SYT14: variants seen among roughly 807,000 people sequenced by gnomAD.
SYT14 encodes the protein synaptotagmin 14, also known as synaptotagmin-14.
A neutral mutation model predicts 74.2 loss-of-function variants in SYT14; 32 were observed. The observed-to-expected ratio is 0.43, with a 90% CI of 0.33 to 0.58. SYT14 has a LOEUF of 0.58. Ranked by LOEUF, SYT14 falls within the 20% of genes least tolerant of loss-of-function variation. The pLI is 0.05. For synonymous variants in SYT14, 298 were observed against 337.7 expected (o/e 0.88, Z 1.29); for missense variants, 791 against 981.8 (o/e 0.81, Z 2.60).
At chr1:210,004,397 G>T (rs575527886) in intron 2 of SYT14, among the ~76,000 whole-genome samples, 1 of 151,972 alleles carries the variant, frequency 6.6e-6, no homozygotes, top group East Asian at 1.9e-4. Context: ...AGTAACACGG[G>T]TTTATATATC....
intron 5 of SYT14, among the ~76,000 whole-genome samples, chr1:210,076,290 C>T (rs1307543942): frequency 6.6e-6 from 1 of 152,120 alleles, no homozygotes. Context: ...GGTGTATACT[C>T]CTGAATGACT....
exon 4 of SYT14, chr1:210,016,936 T>G: frequency 8.1e-7 from 1 of 1,231,756 alleles, no homozygotes; most frequent in Non-Finnish European, 1.0e-6. Context: ...CATCAACTAA[T>G]TCTAAAGATA....
At chr1:209,961,009 G>C (rs146535609) in intron 2 of SYT14, among the ~76,000 whole-genome samples, 1 of 152,238 alleles carries the variant, frequency 6.6e-6, no homozygotes, top group African/African-American at 2.4e-5. Flanking sequence ...TGCATGTGCT[G>C]TTCTTTTCCT....
intron 2 of SYT14, among the ~76,000 whole-genome samples, chr1:209,973,618 A>G (rs1268119849): frequency 6.6e-6 from 1 of 152,168 alleles, no homozygotes; most frequent in Non-Finnish European, 1.5e-5. Context: ...TCATTGGTGG[A>G]CGTTGGGTTG....
At chr1:210,062,644 T>G (rs1450696960) in intron 5 of SYT14, among the ~76,000 whole-genome samples, 2 of 151,872 alleles carry the variant, frequency 1.3e-5, no homozygotes, top group African/African-American at 4.8e-5. Flanking sequence ...ACAAATGAAA[T>G]TTGACATTCT....
chr1:210,015,980 C>CT, exon 4 of SYT14: 1 of 1,231,802 alleles, frequency 8.1e-7, no homozygotes, highest in Non-Finnish European at 1.0e-6. Flanking sequence ...ATTATTGCAC[C>CT]TTTTAGGAAC....
chr1:209,994,981 G>A (rs2079762388), intron 2 of SYT14, among the ~76,000 whole-genome samples: 1 of 152,156 alleles, frequency 6.6e-6, no homozygotes, highest in African/African-American at 2.4e-5. Flanking sequence ...CATATAAGAA[G>A]TCTTTAAGGG....
exon 10 of SYT14, chr1:210,170,059 G>A (rs967516506): frequency 9.9e-5 from 15 of 151,490 alleles, no homozygotes; most frequent in African/African-American, 3.2e-4. Context: ...TCTAATAATG[G>A]ATATAACAGT....
intron 7 of SYT14, among the ~76,000 whole-genome samples, chr1:210,118,292 C>A (rs1027222593): frequency 3.3e-5 from 5 of 152,108 alleles, no homozygotes; most frequent in Non-Finnish European, 5.9e-5. Context: ...AGACAACATT[C>A]AAATTCTAAA....
intron 6 of SYT14, among the ~76,000 whole-genome samples, chr1:210,097,524 A>G (rs564675573): frequency 8.7e-4 from 132 of 152,280 alleles, no homozygotes; most frequent in African/African-American, 2.9e-3. Context: ...GAAAAAAAAG[A>G]AAAAACAATC....
chr1:209,961,704 C>G (rs189117887), intron 2 of SYT14, among the ~76,000 whole-genome samples: 1 of 152,116 alleles, frequency 6.6e-6, no homozygotes, highest in African/African-American at 2.4e-5. Flanking sequence ...AACTTGTAGA[C>G]TCTTACTAGA....
chr1:210,003,385 C>T (rs977386543), intron 2 of SYT14, among the ~76,000 whole-genome samples: 8 of 152,116 alleles, frequency 5.3e-5, no homozygotes, highest in African/African-American at 2.4e-5. Flanking sequence ...CTTTTAATTA[C>T]TGTTTCAGCT....
intron 3 of SYT14, 80 bp downstream of exon 3, chr1:210,013,877 A>G: frequency 6.3e-6 from 9 of 1,434,828 alleles, no homozygotes; most frequent in Non-Finnish European, 8.5e-6. Context: ...ATGCAATAAA[A>G]AGGTTGGTTG....
chr1:210,052,890 T>G (rs1212669202), intron 5 of SYT14, among the ~76,000 whole-genome samples: 2 of 152,258 alleles, frequency 1.3e-5, no homozygotes, highest in African/African-American at 4.8e-5. Context: ...TTAATTCACC[T>G]TTAATGTTAC....
At chr1:210,163,987 A>G (rs2083425602) in exon 10 of SYT14, 1 of 452,894 alleles carries the variant, frequency 2.2e-6, no homozygotes, top group African/African-American at 2.0e-5. Context: ...TAGTCCAAAT[A>G]TGGCAATCGA....
intron 2 of SYT14, among the ~76,000 whole-genome samples, chr1:209,967,828 T>G (rs1406891597): frequency 6.6e-6 from 1 of 152,110 alleles, no homozygotes; most frequent in Non-Finnish European, 1.5e-5. Flanking sequence ...ATCTTTATTA[T>G]TTCCTCTCTT....
At chr1:210,039,682 A>G (rs2080744393) in intron 5 of SYT14, among the ~76,000 whole-genome samples, 1 of 152,292 alleles carries the variant, frequency 6.6e-6, no homozygotes, top group Non-Finnish European at 1.5e-5. Context: ...TTAAATTTAC[A>G]AGAAAAAACA....
exon 10 of SYT14, chr1:210,162,050 TTCTC>T (rs1029503812): frequency 4.5e-6 from 2 of 446,752 alleles, no homozygotes; most frequent in African/African-American, 4.0e-5. Flanking sequence ...TAAGAAACTG[TTCTC>T]TCTCTAAATC....
Position 210,163,473 on chromosome 1 carries a change from A to C in SYT14, c.*2431A>C, listed in dbSNP as rs1270094731. On this transcript the variant is annotated 3_prime_UTR_variant, in exon 10 of 10. Transcript: ENST00000637265. ...ATGTATCTGTATACACACATGCACC[A>C]TTACACATACAACATAAATATGTAT... 1.1e-5 allele frequency: 5 copies of C among 453,800 alleles called. No individual in the cohort carries two copies. In the Admixed American group the frequency reaches 1.2e-4, roughly 11 times the overall value. 28.1% of individuals were successfully genotyped at this position (453,800 alleles called of 1,614,324 possible).
Sources: gnomAD v4.1 joint callset for allele counts (sites outside exome capture counted in the v4.1 genomes callset) on GRCh38, gnomAD v4.1.1 for gene constraint, MANE v1.5 for transcripts, NCBI Gene and HGNC (gene_info 2026-07-23, HGNC 2026-07-21) for gene names.